Variants in SORCS2 observed in about 807,000 individuals in gnomAD.
SORCS2 encodes the protein sortilin related VPS10 domain containing receptor 2.
Under a neutral mutation model 141.6 loss-of-function variants are expected in SORCS2, and 100 were observed. The ratio of observed to expected loss-of-function variants is 0.71; its 90% CI spans 0.60 to 0.83. The LOEUF (loss-of-function observed/expected upper bound fraction) is 0.83. Among genes scored for constraint, SORCS2 ranks in the 40% least tolerant of loss-of-function variants. SORCS2 has a pLI of 0.00. For missense variants in SORCS2, 1,646 were observed against 1,560.2 expected (o/e 1.05, Z -0.93); for synonymous variants, 789 against 676.9 (o/e 1.17, Z -2.57).
At chr4:7,396,953 A>G (rs1313283189) in intron 2 of SORCS2, among the ~76,000 whole-genome samples, 1 of 152,162 alleles carries the variant, frequency 6.6e-6, no homozygotes, top group Non-Finnish European at 1.5e-5. Context: ...CAATATTTAC[A>G]TCCACTCACC....
intron 1 of SORCS2, among the ~76,000 whole-genome samples, chr4:7,361,652 G>T (rs1721586605): frequency 6.6e-6 from 1 of 152,156 alleles, no homozygotes; most frequent in Non-Finnish European, 1.5e-5. Context: ...CAACAGTCCA[G>T]CAGGAGACAC....
intron 4 of SORCS2, among the ~76,000 whole-genome samples, chr4:7,650,396 T>C (rs1721356762): frequency 1.3e-5 from 2 of 152,208 alleles, no homozygotes; most frequent in Non-Finnish European, 2.9e-5. Flanking sequence ...GCAACCACTT[T>C]GCAGCGTGCC....
intron 1 of SORCS2, among the ~76,000 whole-genome samples, chr4:7,296,739 G>A (rs892306190): frequency 2.6e-5 from 4 of 152,160 alleles, no homozygotes; most frequent in South Asian, 2.1e-4. Flanking sequence ...GGCCAGCACC[G>A]GGCCTGTTCT....
intron 2 of SORCS2, among the ~76,000 whole-genome samples, chr4:7,503,474 A>G (rs77660129): frequency 0.014 from 2,126 of 150,780 alleles, 28 homozygotes; most frequent in Non-Finnish European, 0.022. Context: ...ACAGAGACGG[A>G]GACATAGAGG....
At chr4:7,727,423 G>A (rs1384683455) in intron 21 of SORCS2, among the ~76,000 whole-genome samples, 2 of 68,298 alleles carry the variant, frequency 2.9e-5, no homozygotes, top group East Asian at 1.4e-3. Context: ...TAAGACTGAA[G>A]GAGACCCCCC....
At chr4:7,647,340 G>A (rs556318275) in intron 4 of SORCS2, among the ~76,000 whole-genome samples, 1 of 152,306 alleles carries the variant, frequency 6.6e-6, no homozygotes, top group Admixed American at 6.5e-5. Context: ...TGAACTCCCA[G>A]GATTGCTGAA....
chr4:7,395,579 T>A (rs1046820488), intron 1 of SORCS2, among the ~76,000 whole-genome samples: 1 of 152,232 alleles, frequency 6.6e-6, no homozygotes, highest in Non-Finnish European at 1.5e-5. Context: ...GACAGTTAGG[T>A]GCTCCTAAAC....
At chr4:7,379,446 C>T (rs898068366) in intron 1 of SORCS2, among the ~76,000 whole-genome samples, 12 of 152,270 alleles carry the variant, frequency 7.9e-5, no homozygotes, top group East Asian at 5.8e-4. Context: ...GGAGTGGGGG[C>T]GCCCCATCGT....
intron 2 of SORCS2, among the ~76,000 whole-genome samples, chr4:7,509,458 G>A (rs1038697937): frequency 2.0e-5 from 3 of 152,178 alleles, no homozygotes; most frequent in Non-Finnish European, 4.4e-5. Context: ...GGGGCAGCAG[G>A]GGGATGACGG....
chr4:7,270,581 C>T (rs1467942205), intron 1 of SORCS2, among the ~76,000 whole-genome samples: 3 of 152,336 alleles, frequency 2.0e-5, no homozygotes, highest in East Asian at 3.9e-4. Context: ...TGTCTGGGGA[C>T]TAATTGTTGC....
intron 2 of SORCS2, among the ~76,000 whole-genome samples, chr4:7,505,634 C>T (rs991879583): frequency 2.6e-5 from 4 of 152,140 alleles, no homozygotes; most frequent in Non-Finnish European, 5.9e-5. Flanking sequence ...GCAGTGCACA[C>T]CCAGGGCCTG....
chr4:7,328,248 C>A (rs182665994), intron 1 of SORCS2, among the ~76,000 whole-genome samples: 5 of 149,608 alleles, frequency 3.3e-5, no homozygotes, highest in Admixed American at 3.3e-4. Flanking sequence ...GTTGGCCAGG[C>A]TGGTCTTGAA....
chr4:7,521,207 A>C (rs1467103323), intron 2 of SORCS2, among the ~76,000 whole-genome samples: 7 of 151,390 alleles, frequency 4.6e-5, no homozygotes, highest in Non-Finnish European at 1.0e-4. Context: ...CTCCTCCCCA[A>C]ACAGCTTTCG....
At chr4:7,722,020 AT>A (rs1262296740) in intron 18 of SORCS2, among the ~76,000 whole-genome samples, 1 of 152,140 alleles carries the variant, frequency 6.6e-6, no homozygotes, top group Non-Finnish European at 1.5e-5. Context: ...ATTTTATATT[AT>A]TTTCTACCTT....
At chr4:7,542,387 C>T (rs566382026) in intron 3 of SORCS2, among the ~76,000 whole-genome samples, 12 of 152,154 alleles carry the variant, frequency 7.9e-5, no homozygotes, top group Non-Finnish European at 1.6e-4. Context: ...TCCAACATGA[C>T]TGGTATTTTT....
At chr4:7,736,793 C>G (rs1712216438) in intron 25 of SORCS2, among the ~76,000 whole-genome samples, 1 of 152,190 alleles carries the variant, frequency 6.6e-6, no homozygotes, top group African/African-American at 2.4e-5. Context: ...CTTCGATTCT[C>G]AGGGGAGATG....
intron 20 of SORCS2, among the ~76,000 whole-genome samples, chr4:7,725,865 G>A (rs996718432): frequency 1.4e-4 from 21 of 152,234 alleles, no homozygotes; most frequent in Admixed American, 1.2e-3. Context: ...AGCAGCTGAC[G>A]GCCCTGACAC....
intron 4 of SORCS2, among the ~76,000 whole-genome samples, chr4:7,653,042 C>T (rs1387939917): frequency 6.6e-6 from 1 of 150,872 alleles, no homozygotes; most frequent in Admixed American, 6.6e-5. Context: ...GGCGCCCACC[C>T]CTGCCCCTTC....
intron 1 of SORCS2, among the ~76,000 whole-genome samples, chr4:7,280,382 G>A (rs1210263036): frequency 6.6e-6 from 1 of 152,238 alleles, no homozygotes; most frequent in African/African-American, 2.4e-5. Flanking sequence ...GTTGGAAAAT[G>A]CCAGGGTTTT....
Sources: gnomAD v4.1 joint callset for allele counts (sites outside exome capture counted in the v4.1 genomes callset) on GRCh38, gnomAD v4.1.1 for gene constraint, MANE v1.5 for transcripts, NCBI Gene and HGNC (gene_info 2026-07-23, HGNC 2026-07-21) for gene names.